The following STK4 variants were observed in gnomAD, a reference collection of about 807,000 sequenced individuals.
STK4 encodes serine/threonine-protein kinase 4.
A neutral mutation model predicts 64.9 loss-of-function variants in STK4; 30 were observed. That is an observed-to-expected ratio of 0.46 (90% CI 0.35 to 0.63). STK4 has a LOEUF of 0.63. STK4 is among the 20% of genes least tolerant of loss of function. The pLI is 0.01. For synonymous variants in STK4, 177 were observed against 199.0 expected (o/e 0.89, Z 0.93); for missense variants, 466 against 598.5 (o/e 0.78, Z 2.31).
chr20:44,971,124 C>T (rs1415344679), intron 1 of STK4, among the ~76,000 whole-genome samples: 1 of 143,778 alleles, frequency 7.0e-6, no homozygotes, highest in Non-Finnish European at 1.5e-5. Context: ...CACACACACA[C>T]ATATTCCTTG....
At chr20:44,979,222 T>A (rs1377146314) in intron 3 of STK4, among the ~76,000 whole-genome samples, 1 of 152,192 alleles carries the variant, frequency 6.6e-6, no homozygotes, top group Non-Finnish European at 1.5e-5. Flanking sequence ...AAAACATTTC[T>A]GCAGAGATAG....
At chr20:45,003,130 C>T (rs1017468979) in intron 9 of STK4, among the ~76,000 whole-genome samples, 1 of 152,112 alleles carries the variant, frequency 6.6e-6, no homozygotes, top group Admixed American at 6.5e-5. Flanking sequence ...ACCTCAGTCT[C>T]CCAAGTAGCT....
At chr20:44,973,029 T>TTGTG (rs376854976) in intron 2 of STK4, 1 of 151,704 alleles carries the variant, frequency 6.6e-6, no homozygotes, top group Non-Finnish European at 1.5e-5. Context: ...ACACTCGTGT[T>TTGTG]TGTGTGTGTG....
rs1980624428 is a variant in STK4, at chr20:45,077,710, A to G, written c.*2534A>G. The G allele has an allele frequency of 6.6e-6, 1 of 152,182 alleles. No homozygotes were observed. Among genetic ancestry groups the G allele is most frequent in the South Asian group, 2.1e-4 (1 of 4,828 alleles). 9.4% of individuals were successfully genotyped at this position (152,182 alleles called of 1,614,324 possible). Reference sequence around the variant, plus strand: ...CCTCTCTTTCTTTTTTAAACAAAGAACTTTGCACTTGGCCAGAGAGGAGGA... The same window carrying G: ...CCTCTCTTTCTTTTTTAAACAAAGAGCTTTGCACTTGGCCAGAGAGGAGGA... On this transcript the variant is annotated 3_prime_UTR_variant, in exon 11 of 11. Transcript: ENST00000372806.
At chr20:44,992,116 A>G (rs1032282890) in intron 5 of STK4, among the ~76,000 whole-genome samples, 1 of 152,038 alleles carries the variant, frequency 6.6e-6, no homozygotes, top group Non-Finnish European at 1.5e-5. Context: ...AAAATACTAC[A>G]TAAGTTTCCA....
Position 44,988,170 on chromosome 20 carries a change from C to A in STK4, c.525+874C>A, listed in dbSNP as rs546233200. On this transcript the variant is annotated intron_variant, in intron 5 of 10. Transcript: ENST00000372806. ...CAGACAATATTACCTAAACCACAGT[C>A]TTAGTCAGGAAACCAAATTGAAAAA... Among the ~76,000 whole-genome samples, 219 of 151,936 alleles carry A rather than the reference C, an allele frequency of 1.4e-3. 2 individuals carry two copies. The highest frequency in any genetic ancestry group is 5.1e-3 in the African/African-American group (210 of 41,410).
intron 9 of STK4, among the ~76,000 whole-genome samples, chr20:45,020,100 G>A (rs1360633446): frequency 6.6e-6 from 1 of 152,194 alleles, no homozygotes; most frequent in Non-Finnish European, 1.5e-5. Context: ...TGGCATTCAA[G>A]TCCCATCCTT....
intron 9 of STK4, among the ~76,000 whole-genome samples, chr20:45,016,428 C>T (rs1401639226): frequency 1.3e-5 from 2 of 152,162 alleles, no homozygotes; most frequent in African/African-American, 4.8e-5. Context: ...GAAGAGCAGA[C>T]ATCTTGGTAC....
chr20:44,984,505 G>C (rs879700756), intron 4 of STK4, among the ~76,000 whole-genome samples: 5 of 152,000 alleles, frequency 3.3e-5, no homozygotes, highest in Non-Finnish European at 5.9e-5. Context: ...CCCGGCCTAA[G>C]TGCTGATTTT....
chr20:44,972,906 A>T (rs1349828497), intron 2 of STK4: 6 of 107,184 alleles, frequency 5.6e-5, no homozygotes, highest in Admixed American at 8.9e-5. Context: ...CGCATACAAT[A>T]AAAAAAAAAA....
chr20:45,044,648 G>A (rs1030500944), intron 10 of STK4, among the ~76,000 whole-genome samples: 5 of 152,002 alleles, frequency 3.3e-5, no homozygotes, highest in Admixed American at 1.3e-4. Flanking sequence ...GAGCAAGATC[G>A]TGTCTCAAAA....
At chr20:45,005,673 C>T (rs2067929581) in intron 9 of STK4, among the ~76,000 whole-genome samples, 1 of 141,404 alleles carries the variant, frequency 7.1e-6, no homozygotes, top group African/African-American at 2.7e-5. Context: ...AAAAACAAAA[C>T]GTTAGCTACT....
chr20:45,040,660 T>G (rs981722062), intron 10 of STK4, among the ~76,000 whole-genome samples: 5 of 151,630 alleles, frequency 3.3e-5, no homozygotes, highest in African/African-American at 1.2e-4. Context: ...GGAACTCAGG[T>G]TTTTAAAATG....
intron 10 of STK4, among the ~76,000 whole-genome samples, chr20:45,030,994 C>T (rs976995639): frequency 2.6e-5 from 4 of 151,874 alleles, no homozygotes; most frequent in African/African-American, 9.7e-5. Context: ...CTCAGGAGTT[C>T]GAGACCAGCC....
chr20:45,018,041 A>G (rs919354989), intron 9 of STK4, among the ~76,000 whole-genome samples: 3 of 152,234 alleles, frequency 2.0e-5, no homozygotes, highest in African/African-American at 4.8e-5. Context: ...GTGTAATTAA[A>G]TGAGCTGATA....
intron 9 of STK4, among the ~76,000 whole-genome samples, chr20:45,003,185 A>G (rs2067872152): frequency 6.6e-6 from 1 of 152,004 alleles, no homozygotes; most frequent in Admixed American, 6.5e-5. Flanking sequence ...AATTTTTTGT[A>G]GAGACAGGGT....
intron 5 of STK4, among the ~76,000 whole-genome samples, chr20:44,992,153 C>T (rs2067646588): frequency 6.6e-6 from 1 of 151,732 alleles, no homozygotes; most frequent in South Asian, 2.1e-4. Flanking sequence ...ATCCATCTAC[C>T]TTTTATCTTA....
At chr20:45,036,856 G>A (rs2068536406) in intron 10 of STK4, among the ~76,000 whole-genome samples, 1 of 152,080 alleles carries the variant, frequency 6.6e-6, no homozygotes, top group African/African-American at 2.4e-5. Flanking sequence ...CATCCACTGG[G>A]GTTTTCAGAA....
chr20:44,993,947 C>T (rs2145681186), intron 5 of STK4, among the ~76,000 whole-genome samples: 1 of 151,634 alleles, frequency 6.6e-6, no homozygotes, highest in African/African-American at 2.4e-5. Flanking sequence ...CCTCTTCACT[C>T]CAGCCTGGGC....
Sources: gnomAD v4.1 joint callset for allele counts (sites outside exome capture counted in the v4.1 genomes callset) on GRCh38, gnomAD v4.1.1 for gene constraint, MANE v1.5 for transcripts, NCBI Gene and HGNC (gene_info 2026-07-23, HGNC 2026-07-21) for gene names.